The following RGS20 variants were observed in gnomAD, a reference collection of about 807,000 sequenced individuals.
RGS20 encodes regulator of G protein signaling 20.
RGS20 carries 30 observed loss-of-function variants against 33.6 expected under a neutral mutation model. The observed-to-expected ratio is 0.89, with a 90% CI of 0.67 to 1.21. The LOEUF is 1.21. Ranked by LOEUF, RGS20 falls within the 50% of genes most tolerant of loss-of-function variation. RGS20 has a pLI of 0.00. For synonymous variants in RGS20, 208 were observed against 197.9 expected, an observed-to-expected ratio of 1.05 and a Z score of -0.43; for missense variants, 472 against 502.4, an observed-to-expected ratio of 0.94 and a Z score of 0.58.
At chr8:53,869,283 AG>A (rs1811999663) in intron 1 of RGS20, among the ~76,000 whole-genome samples, 1 of 152,224 alleles carries the variant, frequency 6.6e-6, no homozygotes, top group Admixed American at 6.5e-5. Flanking sequence ...AAGCACAGGT[AG>A]ATCTTGGAAT....
intron 2 of RGS20, among the ~76,000 whole-genome samples, chr8:53,928,431 C>T (rs1455190495): frequency 6.6e-6 from 1 of 152,188 alleles, no homozygotes; most frequent in Admixed American, 6.5e-5. Context: ...TGTACACTTA[C>T]TTATCGAATC....
At chr8:53,906,695 G>A (rs879622525) in intron 2 of RGS20, among the ~76,000 whole-genome samples, 1 of 152,170 alleles carries the variant, frequency 6.6e-6, no homozygotes, top group Non-Finnish European at 1.5e-5. Flanking sequence ...ATGCACCTGG[G>A]AACCACAGTC....
intron 1 of RGS20, among the ~76,000 whole-genome samples, chr8:53,855,699 C>T (rs925150426): frequency 3.0e-4 from 45 of 152,206 alleles, no homozygotes; most frequent in African/African-American, 9.4e-4. Flanking sequence ...GTGATCAGTA[C>T]ACGGGACCAC....
intron 2 of RGS20, among the ~76,000 whole-genome samples, chr8:53,924,028 T>A (rs915471293): frequency 1.5e-4 from 22 of 149,862 alleles, no homozygotes; most frequent in African/African-American, 5.4e-4. Flanking sequence ...TGCAAATACT[T>A]TTTTTTTTTG....
At chr8:53,876,994 G>C (rs182192452) in intron 1 of RGS20, among the ~76,000 whole-genome samples, 2 of 152,324 alleles carry the variant, frequency 1.3e-5, no homozygotes, top group African/African-American at 4.8e-5. Flanking sequence ...TGGGAAGAAG[G>C]ACTGGGGCGA....
rs370091533 is a variant in RGS20, at chr8:53,871,112, CAAAAAAAAAAAAAA to C, written c.166-8130_166-8117del. On this transcript the variant is annotated intron_variant, in intron 1 of 5. Transcript: ENST00000297313. ...GGTGACAGAGTGAGACTCCATCTCA[CAAAAAAAAAAAAAA>C]AAAAAAAAAAAAAAAGATTAGCAAT... 1.2e-3 allele frequency among the ~76,000 whole-genome samples: 25 copies of C among 21,474 alleles called. 1 individual carries two copies. The highest frequency in any genetic ancestry group is 2.3e-3 in the African/African-American group (21 of 9,064). The allele number at this position is 21,474 out of a possible 152,430, so 14.1% of individuals were successfully genotyped here.
chr8:53,942,154 TC>T (rs1814316721), intron 3 of RGS20, among the ~76,000 whole-genome samples: 1 of 151,772 alleles, frequency 6.6e-6, no homozygotes, highest in Non-Finnish European at 1.5e-5. Context: ...ATGCCCATAA[TC>T]CCAGCTACTC....
chr8:53,921,520 C>CA (rs1813646301), intron 2 of RGS20, among the ~76,000 whole-genome samples: 1 of 151,400 alleles, frequency 6.6e-6, no homozygotes, highest in Admixed American at 6.6e-5. Context: ...AATAACTAAC[C>CA]AATCTCTTTA....
chr8:53,938,150 T>C (rs1392709364), intron 2 of RGS20, among the ~76,000 whole-genome samples: 1 of 152,204 alleles, frequency 6.6e-6, no homozygotes, highest in Non-Finnish European at 1.5e-5. Flanking sequence ...CCATCAATGA[T>C]AGACTGGATA....
At chr8:53,954,834 C>T (rs1472338358) in intron 5 of RGS20, among the ~76,000 whole-genome samples, 3 of 150,654 alleles carry the variant, frequency 2.0e-5, no homozygotes, top group South Asian at 2.1e-4. Flanking sequence ...ATTATAGGTG[C>T]GCACCACCAG....
chr8:53,875,000 T>A (rs1056964546), intron 1 of RGS20, among the ~76,000 whole-genome samples: 1 of 152,066 alleles, frequency 6.6e-6, no homozygotes, highest in African/African-American at 2.4e-5. Context: ...AAAAAGAGAG[T>A]CTGGGATACT....
chr8:53,946,239 A>G (rs1021032426), intron 3 of RGS20, among the ~76,000 whole-genome samples: 2 of 152,076 alleles, frequency 1.3e-5, no homozygotes, highest in Non-Finnish European at 2.9e-5. Flanking sequence ...TAATTTTTGT[A>G]TTAAATAGAG....
intron 2 of RGS20, among the ~76,000 whole-genome samples, chr8:53,906,378 A>G (rs960178191): frequency 6.6e-6 from 1 of 151,944 alleles, no homozygotes. Flanking sequence ...TCCATCTCAA[A>G]AAAAGAAAAA....
At chr8:53,858,513 C>T (rs956886651) in intron 1 of RGS20, among the ~76,000 whole-genome samples, 21 of 151,902 alleles carry the variant, frequency 1.4e-4, no homozygotes, top group African/African-American at 5.1e-4. Context: ...CACACACACA[C>T]ACATCCTTTT....
At chr8:53,904,610 C>T (rs1054772171) in intron 2 of RGS20, among the ~76,000 whole-genome samples, 8 of 152,174 alleles carry the variant, frequency 5.3e-5, no homozygotes, top group African/African-American at 1.9e-4. Context: ...ATTCCTCAGC[C>T]ATTTGAAGAG....
intron 2 of RGS20, among the ~76,000 whole-genome samples, chr8:53,939,272 CAG>C (rs1435970364): frequency 6.6e-6 from 1 of 152,118 alleles, no homozygotes; most frequent in Admixed American, 6.5e-5. Context: ...GCACTGACTG[CAG>C]AGTCTTCAGT....
chr8:53,924,807 A>G (rs1813748452), intron 2 of RGS20, among the ~76,000 whole-genome samples: 1 of 152,238 alleles, frequency 6.6e-6, no homozygotes, highest in Admixed American at 6.5e-5. Flanking sequence ...GATATTGTGA[A>G]TATGGCAGAT....
rs1814931031 is a variant in RGS20 at position 53,958,257 on chromosome 8, T to C, written c.979-13T>C. The C allele has an allele frequency of 6.3e-6, 10 of 1,588,918 alleles. No homozygotes were observed. The East Asian group carries it at 2.1e-4, about 33-fold the overall frequency. On this transcript the variant is annotated splice_polypyrimidine_tract_variant and intron_variant, in intron 5 of 5. Coordinates refer to ENST00000297313, the MANE Select transcript of RGS20 (RefSeq NM_170587.4). ...AAGTCTCTAATACAGCTCCTACTCG[T>C]TTCTGTCGACAGGTGAGCTTAGACT...
chr8:53,882,222 C>G (rs1812406063), intron 2 of RGS20, among the ~76,000 whole-genome samples: 1 of 152,018 alleles, frequency 6.6e-6, no homozygotes, highest in Non-Finnish European at 1.5e-5. Flanking sequence ...GAGTGGGCGC[C>G]GGGAGGGGGT....
Sources: allele counts gnomAD v4.1 joint callset (sites outside exome capture counted in the v4.1 genomes callset), GRCh38; gene constraint gnomAD v4.1.1; transcripts MANE v1.5; gene names NCBI Gene and HGNC (gene_info 2026-07-23, HGNC 2026-07-21).